LSAMP: variants seen among roughly 807,000 people sequenced by gnomAD.
LSAMP encodes limbic system associated membrane protein.
Under a neutral mutation model 38.6 loss-of-function variants are expected in LSAMP, and 7 were observed. The ratio of observed to expected loss-of-function variants is 0.18; its 90% CI spans 0.10 to 0.34. LSAMP has a LOEUF of 0.34. Ranked by LOEUF, LSAMP falls within the 10% of genes least tolerant of loss-of-function variation. The probability of loss-of-function intolerance (pLI) is 1.00; values close to 1 mark genes in which losing one functional copy is unlikely to be tolerated. For missense variants in LSAMP, 313 were observed against 420.0 expected (o/e 0.75, Z 2.23); for synonymous variants, 154 against 166.8 (o/e 0.92, Z 0.59).
intron 1 of LSAMP, among the ~76,000 whole-genome samples, chr3:116,115,003 GT>G (rs1708710674): frequency 6.6e-6 from 1 of 152,144 alleles, no homozygotes; most frequent in African/African-American, 2.4e-5. Context: ...AAGTGGAATT[GT>G]TTTGCATGTT....
At chr3:116,182,547 T>G (rs1283517434) in intron 1 of LSAMP, among the ~76,000 whole-genome samples, 2 of 151,750 alleles carry the variant, frequency 1.3e-5, no homozygotes, top group African/African-American at 2.4e-5. Flanking sequence ...GACTCAATTT[T>G]TTCAGGGTAG....
chr3:116,272,782 G>A (rs535711650), intron 1 of LSAMP, among the ~76,000 whole-genome samples: 22 of 152,250 alleles, frequency 1.4e-4, no homozygotes, highest in Admixed American at 1.4e-3. Flanking sequence ...GTAAGTGGCA[G>A]AAAAGACTAT....
chr3:116,381,870 T>C (rs2048562794), intron 1 of LSAMP, among the ~76,000 whole-genome samples: 1 of 152,116 alleles, frequency 6.6e-6, no homozygotes, highest in Non-Finnish European at 1.5e-5. Flanking sequence ...CTTAGGATCA[T>C]ACAATATGGA....
At chr3:115,920,184 C>A (rs1376369044) in intron 3 of LSAMP, among the ~76,000 whole-genome samples, 1 of 152,132 alleles carries the variant, frequency 6.6e-6, no homozygotes, top group East Asian at 1.9e-4. Context: ...GATTTCAATT[C>A]TTTTGTATAA....
intron 1 of LSAMP, among the ~76,000 whole-genome samples, chr3:116,268,378 A>G (rs1240413830): frequency 1.3e-5 from 2 of 152,040 alleles, no homozygotes; most frequent in Non-Finnish European, 2.9e-5. Flanking sequence ...GCATAAATCC[A>G]TACCCTATCC....
At chr3:116,216,239 G>A (rs1424726421) in intron 1 of LSAMP, among the ~76,000 whole-genome samples, 3 of 152,058 alleles carry the variant, frequency 2.0e-5, no homozygotes, top group South Asian at 2.1e-4. Context: ...GTTCCTCAAG[G>A]TTTTTCACTT....
chr3:116,012,869 A>G (rs1576306769), intron 3 of LSAMP, among the ~76,000 whole-genome samples: 1 of 152,352 alleles, frequency 6.6e-6, no homozygotes, highest in East Asian at 1.9e-4. Flanking sequence ...GTATTATTTT[A>G]ATTTTCAGGA....
At chr3:116,256,085 G>T (rs1380375353) in intron 1 of LSAMP, among the ~76,000 whole-genome samples, 1 of 152,184 alleles carries the variant, frequency 6.6e-6, no homozygotes, top group East Asian at 1.9e-4. Flanking sequence ...ATTGAGCGGT[G>T]CAATTTGTCA....
At chr3:116,083,672 A>G (rs1482110247) in intron 2 of LSAMP, among the ~76,000 whole-genome samples, 1 of 152,234 alleles carries the variant, frequency 6.6e-6, no homozygotes, top group Non-Finnish European at 1.5e-5. Flanking sequence ...ATGGCAGGAC[A>G]TAAAAAATCA....
intron 3 of LSAMP, among the ~76,000 whole-genome samples, chr3:115,957,752 T>G (rs1371385701): frequency 6.6e-6 from 1 of 152,170 alleles, no homozygotes; most frequent in Non-Finnish European, 1.5e-5. Flanking sequence ...AGCAAGACCA[T>G]TTTGTACCTT....
At chr3:116,209,575 A>G (rs2046125103) in intron 1 of LSAMP, among the ~76,000 whole-genome samples, 1 of 152,112 alleles carries the variant, frequency 6.6e-6, no homozygotes, top group Admixed American at 6.6e-5. Flanking sequence ...TGGTTTCAGT[A>G]TGTGTGTATG....
At chr3:115,982,504 CT>C (rs1939391276) in intron 3 of LSAMP, among the ~76,000 whole-genome samples, 1 of 152,200 alleles carries the variant, frequency 6.6e-6, no homozygotes, top group Admixed American at 6.6e-5. Context: ...CAAGATTCTT[CT>C]GGTACAGAAT....
At chr3:116,345,297 C>T (rs2048050757) in intron 1 of LSAMP, among the ~76,000 whole-genome samples, 3 of 152,114 alleles carry the variant, frequency 2.0e-5, no homozygotes, top group Non-Finnish European at 2.9e-5. Flanking sequence ...CTACTGTTGT[C>T]ATTATCATTA....
chr3:116,347,793 C>T (rs1475265228), intron 1 of LSAMP, among the ~76,000 whole-genome samples: 1 of 151,616 alleles, frequency 6.6e-6, no homozygotes, highest in Non-Finnish European at 1.5e-5. Context: ...TCTTATCAAT[C>T]AGAAATAGAA....
intron 1 of LSAMP, among the ~76,000 whole-genome samples, chr3:116,411,896 G>C (rs1160987591): frequency 6.6e-6 from 1 of 151,778 alleles, no homozygotes; most frequent in Non-Finnish European, 1.5e-5. Flanking sequence ...ATTATTGAGG[G>C]AGTGGGATCC....
chr3:116,302,708 A>ATTCT (rs1431217538), intron 1 of LSAMP, among the ~76,000 whole-genome samples: 1 of 152,208 alleles, frequency 6.6e-6, no homozygotes, highest in African/African-American at 2.4e-5. Context: ...TTTGAAAACC[A>ATTCT]TTCTCCTATA....
At chr3:116,216,337 G>A (rs2107611707) in intron 1 of LSAMP, among the ~76,000 whole-genome samples, 1 of 152,236 alleles carries the variant, frequency 6.6e-6, no homozygotes, top group South Asian at 2.1e-4. Flanking sequence ...TTCTTTAGGT[G>A]CCAGAATTGA....
chr3:115,815,466 T>C (rs1303186465), intron 6 of LSAMP, among the ~76,000 whole-genome samples: 1 of 152,196 alleles, frequency 6.6e-6, no homozygotes, highest in African/African-American at 2.4e-5. Flanking sequence ...TTATGCATTT[T>C]CTCTACTCTC....
chr3:116,301,209 G>A (rs1435079229), intron 1 of LSAMP, among the ~76,000 whole-genome samples: 1 of 152,046 alleles, frequency 6.6e-6, no homozygotes, highest in Non-Finnish European at 1.5e-5. Flanking sequence ...GCAATAAAAA[G>A]CTACACCCGT....
Sources: allele counts gnomAD v4.1 joint callset (sites outside exome capture counted in the v4.1 genomes callset), GRCh38; gene constraint gnomAD v4.1.1; transcripts MANE v1.5; gene names NCBI Gene and HGNC (gene_info 2026-07-23, HGNC 2026-07-21).